The following BCAS3 variants were observed in gnomAD, a reference collection of about 807,000 sequenced individuals.
BCAS3 encodes BCAS4/BCAS3 fusion.
A neutral mutation model predicts 116.1 loss-of-function variants in BCAS3; 53 were observed. The ratio of observed to expected loss-of-function variants is 0.46; its 90% confidence interval spans 0.37 to 0.57. The LOEUF (loss-of-function observed/expected upper bound fraction) is 0.57, where lower values mean the gene tolerates loss of function less well. Among genes scored for constraint, BCAS3 ranks in the 20% least tolerant of loss-of-function variants. BCAS3 has a pLI of 0.00. For missense variants in BCAS3, 917 were observed against 1,165.4 expected (o/e 0.79, Z 3.10); for synonymous variants, 391 against 408.2 (o/e 0.96, Z 0.51).
chr17:61,045,913 TTA>T (rs1334676564), intron 19 of BCAS3, among the ~76,000 whole-genome samples: 34 of 26,138 alleles, frequency 1.3e-3, no homozygotes, highest in Admixed American at 1.5e-3. Context: ...AAATATATAT[TTA>T]TATATATAAT....
rs2051094651 is a variant in BCAS3, at chr17:61,279,857, TACCAG to T, written c.2426-88469_2426-88465del. 6.6e-6 allele frequency among the ~76,000 whole-genome samples: 1 copy of T among 152,060 alleles called. No homozygotes were observed. The highest frequency in any genetic ancestry group is 1.5e-5 in the Non-Finnish European group (1 of 68,014). ...CAGGCTGATTGGATGACTGTGGCAG[TACCAG>T]CTTTGCTAAATCTCCTTTGGCTCAC... is the stretch of plus-strand genomic sequence containing the variant. On this transcript the variant is annotated intron_variant, in intron 22 of 23. Transcript: ENST00000407086. This position sits in a 1 kb window ranked among gnomAD's most constrained non-coding sequence, Gnocchi z 4.4.
In BCAS3 at chr17:61,105,198, A is replaced by T. The variant is rs2074566200; in HGVS notation, c.2425+20634A>T. Among the ~76,000 whole-genome samples the T allele has an allele frequency of 6.6e-6, 1 of 152,172 alleles. No individual in the cohort carries two copies. The highest frequency in any genetic ancestry group is 1.5e-5 in the Non-Finnish European group (1 of 68,032). ...GCCGCAGGGCACAGCACATTGGAAA[A>T]CTGCCTTGCACCAGCCCAGTTTTCC... On this transcript the variant is annotated intron_variant, in intron 22 of 23. Coordinates refer to ENST00000407086, the MANE Select transcript of BCAS3 (RefSeq NM_017679.5). This position sits in a 1 kb window ranked among gnomAD's most constrained non-coding sequence, Gnocchi z 4.3.
rs2081443842 is a variant in BCAS3 at position 61,211,280 on chromosome 17, G to T, written c.2425+126716G>T. 6.6e-6 allele frequency among the ~76,000 whole-genome samples: 1 copy of T among 152,168 alleles called. No individual in the cohort carries two copies. The highest frequency in any genetic ancestry group is 2.1e-4 in the South Asian group (1 of 4,832). ...ATCCAGTTGGCCACCAAGGGGTTGT[G>T]CTTCCTTACTGACTGTATTTGTGAT... On this transcript the variant is annotated intron_variant, in intron 22 of 23. Transcript: ENST00000407086. The surrounding 1 kb of genome is among the most constrained non-coding windows in gnomAD (Gnocchi z 4.4).
chr17:61,017,342 G>A lies in BCAS3; in HGVS notation c.1637+1441G>A, dbSNP rs951900477. On this transcript the variant is annotated intron_variant, in intron 16 of 23. Coordinates refer to ENST00000407086, the MANE Select transcript of BCAS3 (RefSeq NM_017679.5). This position sits in a 1 kb window ranked among gnomAD's most constrained non-coding sequence, Gnocchi z 4.7. ...CTTTAAAGTTTCTTTTTTACTTACTGAAGTTAGTCAGTACATAATTGTATC... is the reference window on the plus strand; with the variant it reads ...CTTTAAAGTTTCTTTTTTACTTACTAAAGTTAGTCAGTACATAATTGTATC... Among the ~76,000 whole-genome samples, 1 of 152,046 alleles carries A rather than the reference G, an allele frequency of 6.6e-6. No individual in the cohort carries two copies. The highest frequency in any genetic ancestry group is 1.5e-5 in the Non-Finnish European group (1 of 68,014).
At chr17:60,777,910 T>G (rs2045459357) in intron 6 of BCAS3, among the ~76,000 whole-genome samples, 2 of 152,204 alleles carry the variant, frequency 1.3e-5, no homozygotes, top group African/African-American at 4.8e-5. Flanking sequence ...TTTTGGAGAT[T>G]AGATTTTTAT....
intron 6 of BCAS3, among the ~76,000 whole-genome samples, chr17:60,775,619 A>G (rs2045211780): frequency 6.6e-6 from 1 of 152,010 alleles, no homozygotes; most frequent in African/African-American, 2.4e-5. Context: ...GAAATAATCT[A>G]ATTTGAGGCC....
At chr17:61,297,911 G>A (rs1405220728) in intron 22 of BCAS3, among the ~76,000 whole-genome samples, 1 of 152,134 alleles carries the variant, frequency 6.6e-6, no homozygotes, top group Non-Finnish European at 1.5e-5. Flanking sequence ...GTTTCCAATA[G>A]TATCAAACGA....
chr17:61,070,371 A>ATATATATATATATATATATG (rs2071260703), intron 19 of BCAS3: 1 of 97,398 alleles, frequency 1.0e-5, no homozygotes, highest in African/African-American at 1.4e-4. Context: ...TTCTGAATAT[A>ATATATATATATATATATATG]TATATATATA....
chr17:61,328,921 G>A (rs2055969215), intron 22 of BCAS3, among the ~76,000 whole-genome samples: 1 of 140,828 alleles, frequency 7.1e-6, no homozygotes, highest in Non-Finnish European at 1.5e-5. Flanking sequence ...TTGAGACGGA[G>A]TCTTGCTCTG....
intron 22 of BCAS3, among the ~76,000 whole-genome samples, chr17:61,246,471 G>GGA (rs1315206893): frequency 2.4e-4 from 8 of 33,476 alleles, no homozygotes; most frequent in Admixed American, 7.2e-4. Flanking sequence ...GACTGTCTCA[G>GGA]AAAAAAAAAA....
chr17:61,358,249 A>G (rs2143416926), intron 22 of BCAS3, among the ~76,000 whole-genome samples: 1 of 152,308 alleles, frequency 6.6e-6, no homozygotes, highest in South Asian at 2.1e-4. Context: ...TAATAACTGT[A>G]TACTTTTGTC....
chr17:61,016,420 G>C (rs2065462400), intron 16 of BCAS3, among the ~76,000 whole-genome samples: 1 of 152,058 alleles, frequency 6.6e-6, no homozygotes, highest in Admixed American at 6.6e-5. Context: ...ACTAAGATTT[G>C]GGCTTTATTT....
intron 22 of BCAS3, among the ~76,000 whole-genome samples, chr17:61,210,935 A>G (rs2081421966): frequency 6.6e-6 from 1 of 152,070 alleles, no homozygotes; most frequent in Admixed American, 6.5e-5. Context: ...TTTCAGATAG[A>G]GTCTGAAAAG....
chr17:61,283,099 G>C (rs2051381822), intron 22 of BCAS3, among the ~76,000 whole-genome samples: 1 of 151,772 alleles, frequency 6.6e-6, no homozygotes, highest in Admixed American at 6.6e-5. Context: ...GCTCCACGTT[G>C]CTCCTTTTTG....
At chr17:60,958,188 C>T (rs2061238578) in intron 14 of BCAS3, among the ~76,000 whole-genome samples, 2 of 152,166 alleles carry the variant, frequency 1.3e-5, no homozygotes, top group Non-Finnish European at 2.9e-5. Flanking sequence ...ATTCTCAATA[C>T]ACTGGACCAG....
In BCAS3 at chr17:61,148,557, A is replaced by G. The variant is rs111743143; in HGVS notation, c.2425+63993A>G. On this transcript the variant is annotated intron_variant, in intron 22 of 23. Transcript: ENST00000407086. ...CAGACTTTCCATTTAGTCAAAAGAG[A>G]CAGGAAATTCACATTTTTATGGATA... 4.9e-3 allele frequency among the ~76,000 whole-genome samples: 753 copies of G among 152,288 alleles called. 10 individuals are homozygous for G. Among genetic ancestry groups the G allele is most frequent in the African/African-American group, 0.017 (700 of 41,544 alleles).
chr17:60,837,392 T>A (rs1344049392), intron 7 of BCAS3, among the ~76,000 whole-genome samples: 1 of 152,140 alleles, frequency 6.6e-6, no homozygotes. Flanking sequence ...GTAAAATTGA[T>A]AACCCTTTAA....
At position 61,322,804 on chromosome 17, in the gene BCAS3, G is replaced by GAGAGAGAGAGAGAGAGAGAC. The variant is rs1568850148; in HGVS notation, c.2426-45504_2426-45503insCAGAGAGAGAGAGAGAGAGA. Among the ~76,000 whole-genome samples, 335 of 128,404 alleles carry GAGAGAGAGAGAGAGAGAGAC rather than the reference G, an allele frequency of 2.6e-3. 1 individual carries two copies. Among genetic ancestry groups the GAGAGAGAGAGAGAGAGAGAC allele is most frequent in the Middle Eastern group, 9.2e-3 (2 of 218 alleles). 84.2% of individuals were successfully genotyped at this position (128,404 alleles called of 152,430 possible). On this transcript the variant is annotated intron_variant, in intron 22 of 23. Coordinates refer to ENST00000407086, the MANE Select transcript of BCAS3 (RefSeq NM_017679.5). ...CTTGAGAGAGAGAGACAGAGAGAGA[G>GAGAGAGAGAGAGAGAGAGAC]AGAGAGAGAGAGAGAGAGAGAGAGA...
At chr17:60,808,152 T>C in intron 7 of BCAS3, 76 bp downstream of exon 7, 1 of 1,028,304 alleles carries the variant, frequency 9.7e-7, no homozygotes, top group Non-Finnish European at 1.5e-6. Context: ...TTTGATGTTA[T>C]AAAACCTTTG....
Sources: gnomAD v4.1 joint callset for allele counts (sites outside exome capture counted in the v4.1 genomes callset) on GRCh38, gnomAD v4.1.1 for gene constraint, Gnocchi (gnomAD v3.1) non-coding constraint, MANE v1.5 for transcripts, NCBI Gene and HGNC (gene_info 2026-07-23, HGNC 2026-07-21) for gene names.